DCDC1: variants seen among roughly 807,000 people sequenced by gnomAD.
DCDC1 encodes doublecortin domain-containing protein 1.
A neutral mutation model predicts 178.3 loss-of-function variants in DCDC1; 200 were observed. The ratio of observed to expected loss-of-function variants is 1.12; its 90% CI spans 1.00 to 1.26. The LOEUF (loss-of-function observed/expected upper bound fraction) is 1.26, where lower values mean the gene tolerates loss of function less well. DCDC1 is among the 50% of genes most tolerant of loss of function. DCDC1 has a pLI of 0.00. For missense variants in DCDC1, 1,983 were observed against 1,749.2 expected (o/e 1.13, Z -2.38); for synonymous variants, 690 against 604.8 (o/e 1.14, Z -2.07).
At chr11:31,011,445 G>T (rs935749171) in intron 20 of DCDC1, among the ~76,000 whole-genome samples, 1 of 151,958 alleles carries the variant, frequency 6.6e-6, no homozygotes, top group African/African-American at 2.4e-5. Flanking sequence ...ATAGAAAATG[G>T]GTAAAAGATA....
chr11:31,095,599 A>G (rs887582601), intron 15 of DCDC1, among the ~76,000 whole-genome samples: 2 of 152,210 alleles, frequency 1.3e-5, no homozygotes, highest in African/African-American at 4.8e-5. Flanking sequence ...TCCTAAGAAT[A>G]AAGAAATATG....
At chr11:31,329,047 T>C (rs1181256169) in intron 2 of DCDC1, among the ~76,000 whole-genome samples, 1 of 146,536 alleles carries the variant, frequency 6.8e-6, no homozygotes, top group Non-Finnish European at 1.5e-5. Context: ...TTATGTGGCC[T>C]TGCCTTCAAG....
At position 31,274,405 on chromosome 11, in the gene DCDC1, A is replaced by G. The variant is rs568393818; in HGVS notation, c.961-8805T>C. Among the ~76,000 whole-genome samples, 4 of 152,270 alleles carry G rather than the reference A, an allele frequency of 2.6e-5. No homozygotes were observed. In the East Asian group the frequency reaches 7.8e-4, roughly 30 times the overall value. ...TGGAGCTTTTAGTCTAGTGCTGGAT[A>G]AAGACATTTATAAAATGATCATATC... On this transcript the variant is annotated intron_variant, in intron 7 of 38. Transcript: ENST00000684477.
At chr11:31,178,371 C>T (rs1968351262) in intron 9 of DCDC1, among the ~76,000 whole-genome samples, 1 of 152,146 alleles carries the variant, frequency 6.6e-6, no homozygotes, top group South Asian at 2.1e-4. Flanking sequence ...CTACCTTTCA[C>T]AAAAATTAAC....
At chr11:30,963,574 G>A (rs2134600737) in intron 20 of DCDC1, among the ~76,000 whole-genome samples, 1 of 152,200 alleles carries the variant, frequency 6.6e-6, no homozygotes, top group East Asian at 1.9e-4. Context: ...AACTGGACAT[G>A]TACTCCACTA....
chr11:30,958,548 C>T (rs566936953), intron 20 of DCDC1, among the ~76,000 whole-genome samples: 96 of 152,208 alleles, frequency 6.3e-4, no homozygotes, highest in African/African-American at 2.3e-3. Flanking sequence ...TGAACTAAGT[C>T]TCCAGCTTGG....
intron 28 of DCDC1, among the ~76,000 whole-genome samples, chr11:30,911,109 GC>G (rs1336236738): frequency 2.0e-5 from 3 of 152,038 alleles, no homozygotes; most frequent in Admixed American, 6.5e-5. Flanking sequence ...TGCCTGACAT[GC>G]AGCAAGCCCA....
At chr11:31,187,214 T>G (rs567294896) in intron 9 of DCDC1, among the ~76,000 whole-genome samples, 1 of 152,204 alleles carries the variant, frequency 6.6e-6, no homozygotes, top group Non-Finnish European at 1.5e-5. Context: ...TAGTAAATAT[T>G]TGTTGAATGA....
At chr11:30,915,370 AG>A in intron 27 of DCDC1, 140 bp downstream of exon 27, 1 of 819,010 alleles carries the variant, frequency 1.2e-6, no homozygotes, top group Non-Finnish European at 1.9e-6. Context: ...TTCTTTGGCT[AG>A]GATAAAGAAT....
chr11:31,326,292 A>G (rs1000679716), intron 3 of DCDC1, among the ~76,000 whole-genome samples: 2 of 152,178 alleles, frequency 1.3e-5, no homozygotes. Flanking sequence ...GCCAGTGTTA[A>G]ACCGACTAAC....
chr11:31,215,955 T>A (rs1356912608), intron 9 of DCDC1, among the ~76,000 whole-genome samples: 3 of 151,776 alleles, frequency 2.0e-5, no homozygotes, highest in African/African-American at 7.3e-5. Context: ...TGGCTGCCCA[T>A]CTCATACCTC....
intron 20 of DCDC1, among the ~76,000 whole-genome samples, chr11:31,043,322 T>C (rs972911525): frequency 1.3e-5 from 2 of 152,168 alleles, no homozygotes; most frequent in Non-Finnish European, 2.9e-5. Flanking sequence ...TTCTGGTAGG[T>C]TCGTATGTAT....
At chr11:31,351,808 G>T (rs1182903378) in intron 1 of DCDC1, among the ~76,000 whole-genome samples, 1 of 152,136 alleles carries the variant, frequency 6.6e-6, no homozygotes, top group Non-Finnish European at 1.5e-5. Flanking sequence ...ACCAGAAGTT[G>T]TTTAATGCTA....
At chr11:31,316,145 T>C (rs1448454755) in intron 3 of DCDC1, among the ~76,000 whole-genome samples, 6 of 81,428 alleles carry the variant, frequency 7.4e-5, no homozygotes, top group African/African-American at 8.1e-5. Flanking sequence ...AGCAGCATGA[T>C]TTATAGTCCT....
At chr11:30,938,735 T>C (rs1947438392) in intron 21 of DCDC1, among the ~76,000 whole-genome samples, 2 of 152,116 alleles carry the variant, frequency 1.3e-5, no homozygotes, top group Admixed American at 6.6e-5. Context: ...TTGGGCCAGA[T>C]AAAACAGCAA....
At chr11:31,329,054 CA>C (rs1245568810) in intron 2 of DCDC1, among the ~76,000 whole-genome samples, 1 of 137,768 alleles carries the variant, frequency 7.3e-6, no homozygotes, top group Non-Finnish European at 1.5e-5. Flanking sequence ...GCCTTGCCTT[CA>C]AGGCATGGAA....
chr11:31,002,872 A>G (rs1324358060), intron 20 of DCDC1, among the ~76,000 whole-genome samples: 5 of 152,180 alleles, frequency 3.3e-5, no homozygotes, highest in Admixed American at 6.5e-5. Flanking sequence ...AACAATGTAG[A>G]ATAGTAAAAT....
At position 30,931,941 on chromosome 11, in the gene DCDC1, CCAAT is replaced by C. The variant is rs780345733; in HGVS notation, c.2723_2726del (p.Asp908GlyfsTer14). The C allele has an allele frequency of 5.0e-5, 81 of 1,604,706 alleles. No individual in the cohort carries two copies. The highest frequency in any genetic ancestry group is 2.4e-4 in the Admixed American group (14 of 58,372). ...TCGGAACAAGCAGTCCTTGTATTGG[CCAAT>C]CAAACTCCTTCAGAAAGAAATGACA... On this transcript the variant is annotated frameshift_variant, in exon 22 of 39. Transcript: ENST00000684477. LOFTEE classifies it high-confidence loss of function.
At chr11:30,893,874 T>G (rs567320345) in intron 35 of DCDC1, among the ~76,000 whole-genome samples, 4 of 152,298 alleles carry the variant, frequency 2.6e-5, no homozygotes, top group African/African-American at 9.6e-5. Flanking sequence ...CCATTGCAAT[T>G]AGTATTTTAC....
Sources: allele counts gnomAD v4.1 joint callset (sites outside exome capture counted in the v4.1 genomes callset), GRCh38; gene constraint gnomAD v4.1.1; transcripts MANE v1.5; gene names NCBI Gene and HGNC (gene_info 2026-07-23, HGNC 2026-07-21).